The following SORCS2 variants were observed in gnomAD, a reference collection of about 807,000 sequenced individuals.
SORCS2 encodes VPS10 domain-containing receptor SorCS2.
Under a neutral mutation model 141.6 loss-of-function variants are expected in SORCS2, and 100 were observed. The observed-to-expected ratio is 0.71, with a 90% confidence interval of 0.60 to 0.83. The LOEUF (loss-of-function observed/expected upper bound fraction) is 0.83, where lower values mean the gene tolerates loss of function less well. Among genes scored for constraint, SORCS2 ranks in the 40% least tolerant of loss-of-function variants. SORCS2 has a pLI of 0.00. For missense variants in SORCS2, 1,646 were observed against 1,560.2 expected, an observed-to-expected ratio of 1.05 and a Z score of -0.93; for synonymous variants, 789 against 676.9, an observed-to-expected ratio of 1.17 and a Z score of -2.57.
intron 3 of SORCS2, among the ~76,000 whole-genome samples, chr4:7,592,330 C>A (rs11728631): frequency 0.28 from 42,313 of 152,034 alleles, 6,943 homozygotes; most frequent in East Asian, 0.66. Flanking sequence ...TCTACAGTTG[C>A]CTTACTCGCC....
intron 1 of SORCS2, among the ~76,000 whole-genome samples, chr4:7,330,680 T>TA (rs1405549928): frequency 6.6e-6 from 1 of 152,004 alleles, no homozygotes; most frequent in Non-Finnish European, 1.5e-5. Flanking sequence ...CAGTGCAACT[T>TA]ACATCCATGC....
intron 19 of SORCS2, among the ~76,000 whole-genome samples, chr4:7,724,523 TAG>T (rs1206028606): frequency 9.6e-5 from 13 of 135,832 alleles, no homozygotes; most frequent in South Asian, 2.4e-4. Flanking sequence ...ATGGTGGTGA[TAG>T]GGTGGTGGTG....
At chr4:7,556,408 G>C (rs1714109573) in intron 3 of SORCS2, among the ~76,000 whole-genome samples, 1 of 152,138 alleles carries the variant, frequency 6.6e-6, no homozygotes, top group African/African-American at 2.4e-5. Flanking sequence ...CGCAGCCTCT[G>C]TGGCTGTAAC....
Position 7,664,257 on chromosome 4 carries a change from G to A in SORCS2, c.953-96G>A. 2 of 944,978 alleles carry A rather than the reference G, an allele frequency of 2.1e-6. No homozygotes were observed. Among genetic ancestry groups the A allele is most frequent in the Non-Finnish European group, 3.2e-6 (2 of 621,406 alleles). The allele number at this position is 944,978 out of a possible 1,614,324, so 58.5% of individuals were successfully genotyped here. On this transcript the variant is annotated intron_variant, in intron 6 of 26. Transcript: ENST00000507866. This position sits in a 1 kb window ranked among gnomAD's most constrained non-coding sequence, Gnocchi z 4.7. ...TTCAAGCCCATGAAGCCACACCACAGCGGTATTGGAGGAAGATGGAGTCCA... is the reference window on the plus strand; with the variant it reads ...TTCAAGCCCATGAAGCCACACCACAACGGTATTGGAGGAAGATGGAGTCCA...
intron 1 of SORCS2, among the ~76,000 whole-genome samples, chr4:7,217,903 A>G (rs534159029): frequency 6.6e-6 from 1 of 152,294 alleles, no homozygotes; most frequent in South Asian, 2.1e-4. Context: ...TCGAGAGTCC[A>G]GGAGAGGGGA....
chr4:7,518,858 C>T (rs999861452), intron 2 of SORCS2, among the ~76,000 whole-genome samples: 4 of 152,114 alleles, frequency 2.6e-5, no homozygotes, highest in Admixed American at 1.3e-4. Flanking sequence ...CCAGAAGTCG[C>T]GGGCTGTGTC....
chr4:7,209,724 C>T (rs1362111884), intron 1 of SORCS2, among the ~76,000 whole-genome samples: 2 of 151,070 alleles, frequency 1.3e-5, no homozygotes, highest in South Asian at 2.1e-4. Flanking sequence ...GCTGTGGGGT[C>T]GGGTTTTTGG....
chr4:7,673,099 TA>T (rs1722887833), intron 8 of SORCS2, among the ~76,000 whole-genome samples: 1 of 152,224 alleles, frequency 6.6e-6, no homozygotes, highest in Non-Finnish European at 1.5e-5. Flanking sequence ...AAGAAGACAG[TA>T]AATGCAACAT....
At chr4:7,270,990 C>A (rs1265407005) in intron 1 of SORCS2, among the ~76,000 whole-genome samples, 2 of 152,200 alleles carry the variant, frequency 1.3e-5, no homozygotes, top group African/African-American at 2.4e-5. Context: ...ATGCACTGGG[C>A]AGGCATATGA....
intron 1 of SORCS2, among the ~76,000 whole-genome samples, chr4:7,203,661 A>AT (rs1339165807): frequency 2.6e-5 from 4 of 152,258 alleles, no homozygotes; most frequent in African/African-American, 9.6e-5. Flanking sequence ...TTGTGGTAAA[A>AT]TATATGTAAC....
intron 3 of SORCS2, among the ~76,000 whole-genome samples, chr4:7,594,889 G>A (rs1054187685): frequency 1.3e-5 from 2 of 152,134 alleles, no homozygotes; most frequent in African/African-American, 4.8e-5. Context: ...TGAACTTGAG[G>A]TGGTGCCTCA....
At position 7,403,991 on chromosome 4, in the gene SORCS2, ATATATATTTTTTTT is replaced by A. The variant is rs1345085749; in HGVS notation, c.548+7638_548+7651del. Reference sequence around the variant, plus strand: ...TATATATATATATATATATATATATATATATATTTTTTTTTTTTTTTTAGTATCCATTTATGAGT... The same window carrying A: ...TATATATATATATATATATATATATATTTTTTTTAGTATCCATTTATGAGT... On this transcript the variant is annotated intron_variant, in intron 2 of 26. Transcript: ENST00000507866. Among the ~76,000 whole-genome samples the A allele has an allele frequency of 9.7e-3, 49 of 5,054 alleles. 1 individual carries two copies. The highest frequency in any genetic ancestry group is 0.092 in the South Asian group (19 of 206). The allele number at this position is 5,054 out of a possible 152,430, so 3.3% of individuals were successfully genotyped here. A position where few individuals can be genotyped will look rare whatever the true frequency, so the allele number is the denominator to read the frequency against.
At chr4:7,521,390 C>T (rs994628974) in intron 2 of SORCS2, among the ~76,000 whole-genome samples, 1 of 152,160 alleles carries the variant, frequency 6.6e-6, no homozygotes, top group African/African-American at 2.4e-5. Context: ...TCACCCACCT[C>T]GCTGGCGCCT....
intron 1 of SORCS2, among the ~76,000 whole-genome samples, chr4:7,243,810 G>A (rs1577315521): frequency 6.6e-6 from 1 of 152,220 alleles, no homozygotes; most frequent in African/African-American, 2.4e-5. Flanking sequence ...TCCCTGCGAG[G>A]GCAGGCCGGC....
At chr4:7,694,810 C>A (rs1267115055) in intron 11 of SORCS2, among the ~76,000 whole-genome samples, 2 of 152,202 alleles carry the variant, frequency 1.3e-5, no homozygotes, top group African/African-American at 4.8e-5. Flanking sequence ...TGTCTTGCAC[C>A]TGCCCGGGTC....
chr4:7,276,590 C>T (rs115489551), intron 1 of SORCS2, among the ~76,000 whole-genome samples: 4,633 of 152,218 alleles, frequency 0.03, 225 homozygotes, highest in African/African-American at 0.1. Context: ...CCCCGGGAAA[C>T]GCACTGGAAA....
At chr4:7,272,143 T>C (rs1458024995) in intron 1 of SORCS2, among the ~76,000 whole-genome samples, 2 of 152,198 alleles carry the variant, frequency 1.3e-5, no homozygotes, top group Admixed American at 1.3e-4. Context: ...TTCTTACCTC[T>C]AGTGCAAATT....
intron 3 of SORCS2, among the ~76,000 whole-genome samples, chr4:7,616,864 TG>T (rs1718795574): frequency 6.6e-6 from 1 of 152,262 alleles, no homozygotes. Context: ...AGGTGATTTC[TG>T]GCAGAGAACT....
intron 1 of SORCS2, among the ~76,000 whole-genome samples, chr4:7,218,095 G>T (rs1255344239): frequency 1.3e-5 from 2 of 152,112 alleles, no homozygotes; most frequent in African/African-American, 4.8e-5. Flanking sequence ...GATGGGTTGG[G>T]GGTCAGGAGG....
Sources: allele counts gnomAD v4.1 joint callset (sites outside exome capture counted in the v4.1 genomes callset), GRCh38; gene constraint gnomAD v4.1.1; non-coding constraint Gnocchi (gnomAD v3.1); transcripts MANE v1.5; gene names NCBI Gene and HGNC (gene_info 2026-07-23, HGNC 2026-07-21).